E2F5: variants seen among roughly 807,000 people sequenced by gnomAD.
E2F5 encodes the protein E2F transcription factor 5, also known as transcription factor E2F5.
In E2F5, 23 loss-of-function variants were observed where a neutral mutation model predicts 39.1. The ratio of observed to expected loss-of-function variants is 0.59; its 90% CI spans 0.42 to 0.83. The LOEUF is 0.83. E2F5 is among the 40% of genes least tolerant of loss of function. The pLI is 0.00. For synonymous variants in E2F5, 145 were observed against 157.8 expected (o/e 0.92, Z 0.61); for missense variants, 365 against 406.7 (o/e 0.90, Z 0.88).
chr8:85,177,659 G>T lies in E2F5; in HGVS notation c.234+5G>T. 1 of 1,285,372 alleles carries T rather than the reference G, an allele frequency of 7.8e-7. No individual in the cohort carries two copies. The allele number at this position is 1,285,372 out of a possible 1,614,324, so 79.6% of individuals were successfully genotyped here. A position where few individuals can be genotyped will look rare whatever the true frequency, so the allele number is the denominator to read the frequency against. On this transcript the variant is annotated splice_donor_5th_base_variant and intron_variant, in intron 1 of 7. Coordinates refer to ENST00000416274, the MANE Select transcript of E2F5 (RefSeq NM_001951.4). ...GGCGTTCTGGATCTCAAAGCGGTGA[G>T]CTCCGGAGGCGGGGACGGGGGCGGA...
rs1029909833 is a variant in E2F5 at position 85,188,402 on chromosome 8, T to G, written c.234+10748T>G. ...TCTGGTAGTCATGAACTCCCTTATC[T>G]TCTGTTTTTCTGGAACAGGCTTTAT... On this transcript the variant is annotated intron_variant, in intron 1 of 7. Transcript: ENST00000416274. 2.0e-5 allele frequency among the ~76,000 whole-genome samples: 3 copies of G among 151,920 alleles called. No homozygotes were observed. In the East Asian group the frequency reaches 5.8e-4, roughly 29 times the overall value.
intron 1 of E2F5, among the ~76,000 whole-genome samples, chr8:85,189,757 T>C (rs1812420681): frequency 6.6e-6 from 1 of 152,224 alleles, no homozygotes; most frequent in African/African-American, 2.4e-5. Context: ...TATTAGTAGG[T>C]ATATAAGTTT....
chr8:85,213,748 C>G lies in E2F5; in HGVS notation c.932-5C>G. 6.4e-7 allele frequency: 1 copy of G among 1,565,148 alleles called. No homozygotes were observed. The highest frequency in any genetic ancestry group is 8.8e-7 in the Non-Finnish European group (1 of 1,140,870). On this transcript the variant is annotated splice_region_variant and splice_polypyrimidine_tract_variant and intron_variant, in intron 7 of 7. Coordinates refer to ENST00000416274, the MANE Select transcript of E2F5 (RefSeq NM_001951.4). ...TTTAACACTAAATTTGTTTTTTGTT[C>G]GCAGTGTTTCCTCTCTTAAGGCTTT...
chr8:85,210,031 T>G (rs1812882834), intron 6 of E2F5, among the ~76,000 whole-genome samples: 1 of 152,232 alleles, frequency 6.6e-6, no homozygotes, highest in Non-Finnish European at 1.5e-5. Flanking sequence ...CATTTCACAC[T>G]GGGTATCAGG....
At chr8:85,195,220 T>TA (rs1812556238) in intron 1 of E2F5, among the ~76,000 whole-genome samples, 1 of 151,828 alleles carries the variant, frequency 6.6e-6, no homozygotes, top group Admixed American at 6.6e-5. Flanking sequence ...CCCTCTCTAC[T>TA]AAAAATACAA....
chr8:85,210,388 G>T (rs4150966), intron 6 of E2F5, among the ~76,000 whole-genome samples: 3 of 152,006 alleles, frequency 2.0e-5, no homozygotes, highest in African/African-American at 7.2e-5. Flanking sequence ...AATAGAAAAG[G>T]TAGTGCTGGC....
Position 85,202,396 on chromosome 8 carries a change from G to C in E2F5, c.344+140G>C, listed in dbSNP as rs1309439202. 2.4e-5 allele frequency: 15 copies of C among 614,888 alleles called. No homozygotes were observed. In the East Asian group the frequency reaches 4.3e-4, roughly 18 times the overall value. The allele number at this position is 614,888 out of a possible 1,614,324, so 38.1% of individuals were successfully genotyped here. On this transcript the variant is annotated intron_variant, in intron 2 of 7. Coordinates refer to ENST00000416274, the MANE Select transcript of E2F5 (RefSeq NM_001951.4). ...AGCTTTCCCTGAACACACCTTTCTGGGCCTCTGTGTCACTCCTGTGTTGGG... is the reference window on the plus strand; with the variant it reads ...AGCTTTCCCTGAACACACCTTTCTGCGCCTCTGTGTCACTCCTGTGTTGGG...
chr8:85,209,768 G>T (rs1056608919), intron 6 of E2F5, among the ~76,000 whole-genome samples: 1 of 152,176 alleles, frequency 6.6e-6, no homozygotes, highest in Non-Finnish European at 1.5e-5. Flanking sequence ...ACTTGGTAAG[G>T]TTCTTTTATC....
At chr8:85,208,606 A>T (rs1563983286) in intron 5 of E2F5, among the ~76,000 whole-genome samples, 1 of 152,206 alleles carries the variant, frequency 6.6e-6, no homozygotes. Context: ...CCCGCTTATT[A>T]AAAAAGTTTA....
chr8:85,212,495 A>G (rs1232502971), intron 7 of E2F5: 3 of 275,242 alleles, frequency 1.1e-5, no homozygotes, highest in Non-Finnish European at 2.0e-5. Context: ...GAAGAGTAAA[A>G]TAACTTGTCT....
intron 1 of E2F5, chr8:85,178,256 A>C (rs999662768): frequency 2.0e-5 from 3 of 151,778 alleles, no homozygotes; most frequent in African/African-American, 7.3e-5. Flanking sequence ...CATCACCCTG[A>C]TAGTTAGGAG....
Position 85,213,887 on chromosome 8 carries a change from A to C in E2F5, c.*25A>C, listed in dbSNP as rs368770231. ...GATTCCATGGAAACTTGGGACTGTT[A>C]TCTACCTCTAACTGTGTAACATTTT... is the stretch of plus-strand genomic sequence containing the variant. On this transcript the variant is annotated 3_prime_UTR_variant, in exon 8 of 8. Transcript: ENST00000416274. 9 of 1,320,536 alleles carry C rather than the reference A, an allele frequency of 6.8e-6. No homozygotes were observed. Among genetic ancestry groups the C allele is most frequent in the African/African-American group, 2.9e-5 (2 of 69,176 alleles). The allele number at this position is 1,320,536 out of a possible 1,614,324, so 81.8% of individuals were successfully genotyped here.
intron 1 of E2F5, chr8:85,177,855 C>A: frequency 1.1e-6 from 1 of 940,610 alleles, no homozygotes. Flanking sequence ...AGGATGGCAC[C>A]GAGCGGACGC....
At chr8:85,206,284 G>T in intron 4 of E2F5, 64 bp downstream of exon 4, 1 of 1,484,918 alleles carries the variant, frequency 6.7e-7, no homozygotes. Flanking sequence ...GGGTGATTCA[G>T]AATTCCCTGT....
intron 1 of E2F5, chr8:85,187,569 G>A (rs4150870): frequency 8.1e-4 from 123 of 151,822 alleles, no homozygotes; most frequent in African/African-American, 2.5e-3. Flanking sequence ...TATAGTTTTT[G>A]ACTTAAAATC....
intron 1 of E2F5, among the ~76,000 whole-genome samples, chr8:85,194,046 G>GT (rs1462615928): frequency 2.0e-5 from 3 of 151,448 alleles, no homozygotes; most frequent in Non-Finnish European, 4.4e-5. Context: ...AACTTTTTTT[G>GT]TTTTTGTGAG....
chr8:85,203,477 A>T (rs4150943), intron 3 of E2F5, among the ~76,000 whole-genome samples: 88 of 152,140 alleles, frequency 5.8e-4, no homozygotes, highest in Non-Finnish European at 1.1e-3. Context: ...TGTTGCACTG[A>T]GGGGGAAAAA....
chr8:85,182,230 A>G (rs776915352), intron 1 of E2F5, among the ~76,000 whole-genome samples: 17 of 152,226 alleles, frequency 1.1e-4, no homozygotes, highest in Admixed American at 2.0e-4. Context: ...AATAGCTAAT[A>G]TACATCAAGA....
rs749449900 is a variant in E2F5 at position 85,177,559 on chromosome 8, G to T, written c.139G>T (p.Gly47Cys). 4.0e-6 allele frequency: 5 copies of T among 1,259,700 alleles called. No individual in the cohort carries two copies. 78.0% of individuals were successfully genotyped at this position (1,259,700 alleles called of 1,614,324 possible). ...PPPQLGGAGG[G>C]SSRHEKSLGL... Reference sequence around the variant, plus strand: ...GCCGCAGCTCGGGGGCGCCGGGGGCGGCAGCAGCAGGCACGAGAAGAGCCT... The same window carrying T: ...GCCGCAGCTCGGGGGCGCCGGGGGCTGCAGCAGCAGGCACGAGAAGAGCCT... The change falls in exon 1 of 8, where the codon GGC becomes TGC. Residue 47 changes from glycine to cysteine, a missense_variant. By Grantham distance (159) the Gly-to-Cys change is radical. Transcript: ENST00000416274.
Sources: allele counts gnomAD v4.1 joint callset (sites outside exome capture counted in the v4.1 genomes callset), GRCh38; gene constraint gnomAD v4.1.1; transcripts MANE v1.5; gene names NCBI Gene and HGNC (gene_info 2026-07-23, HGNC 2026-07-21).